CNBD1: variants seen among roughly 807,000 people sequenced by gnomAD.
CNBD1 encodes cyclic nucleotide-binding domain-containing protein 1.
CNBD1 carries 71 observed loss-of-function variants against 54.4 expected under a neutral mutation model. That is an observed-to-expected ratio of 1.30 (90% CI 1.08 to 1.59). The LOEUF (loss-of-function observed/expected upper bound fraction) is 1.59, where lower values mean the gene tolerates loss of function less well. Ranked by LOEUF, CNBD1 falls within the 40% of genes most tolerant of loss-of-function variation. The pLI, the probability that CNBD1 is intolerant of heterozygous loss-of-function variation, is 0.00. For synonymous variants in CNBD1, 182 were observed against 170.7 expected, an observed-to-expected ratio of 1.07 and a Z score of -0.51; for missense variants, 659 against 518.0, an observed-to-expected ratio of 1.27 and a Z score of -2.64.
chr8:87,364,978 A>C (rs1032337944), intron 10 of CNBD1, among the ~76,000 whole-genome samples: 1 of 152,012 alleles, frequency 6.6e-6, no homozygotes, highest in Admixed American at 6.6e-5. Context: ...TTTATAATAG[A>C]ACTATTCATA....
chr8:87,129,025 G>A (rs1316530842), intron 4 of CNBD1, among the ~76,000 whole-genome samples: 21 of 117,002 alleles, frequency 1.8e-4, no homozygotes, highest in Non-Finnish European at 2.9e-4. Flanking sequence ...AGCCGAGATC[G>A]CCCCACTGTA....
At chr8:87,240,016 C>T (rs936511890) in intron 6 of CNBD1, among the ~76,000 whole-genome samples, 4 of 151,018 alleles carry the variant, frequency 2.6e-5, no homozygotes, top group African/African-American at 9.7e-5. Flanking sequence ...ATAATAAATT[C>T]AAATTTCTTA....
At chr8:87,179,928 A>T (rs1255347244) in intron 4 of CNBD1, among the ~76,000 whole-genome samples, 1 of 152,222 alleles carries the variant, frequency 6.6e-6, no homozygotes, top group African/African-American at 2.4e-5. Context: ...ATGAATCACA[A>T]GACATTTCCC....
intron 6 of CNBD1, among the ~76,000 whole-genome samples, chr8:87,268,623 A>G (rs1808307803): frequency 6.6e-6 from 1 of 152,086 alleles, no homozygotes; most frequent in Admixed American, 6.6e-5. Flanking sequence ...AATAATAGCC[A>G]TTTTGACTGG....
chr8:87,156,413 T>C (rs1043423210), intron 4 of CNBD1, among the ~76,000 whole-genome samples: 5 of 150,638 alleles, frequency 3.3e-5, no homozygotes, highest in Non-Finnish European at 7.4e-5. Context: ...CCCGGCTACA[T>C]TTTTTTATTT....
intron 10 of CNBD1, among the ~76,000 whole-genome samples, chr8:87,374,887 C>A (rs112862022): frequency 6.6e-6 from 1 of 151,802 alleles, no homozygotes; most frequent in African/African-American, 2.4e-5. Context: ...AATTAAGCAA[C>A]CAAGATTTTA....
chr8:87,077,186 T>C (rs556308570), intron 4 of CNBD1, among the ~76,000 whole-genome samples: 1 of 152,162 alleles, frequency 6.6e-6, no homozygotes, highest in Non-Finnish European at 1.5e-5. Flanking sequence ...GAACTCGCCT[T>C]AATCAGTTTG....
chr8:87,286,907 A>G lies in CNBD1; in HGVS notation c.1042+236A>G, dbSNP rs111569756. 8.4e-4 allele frequency among the ~76,000 whole-genome samples: 127 copies of G among 151,886 alleles called. 1 individual carries two copies. Among genetic ancestry groups the G allele is most frequent in the African/African-American group, 3.0e-3 (125 of 41,416 alleles). ...AACCTTACTTTTAACATCTCTCTCTACTCCCTTTAACTGTTCCGCACTTGC... is the reference window on the plus strand; with the variant it reads ...AACCTTACTTTTAACATCTCTCTCTGCTCCCTTTAACTGTTCCGCACTTGC... On this transcript the variant is annotated intron_variant, in intron 8 of 10. Transcript: ENST00000518476.
In CNBD1 at chr8:87,411,831, C is replaced by G. The variant is rs560109324; in HGVS notation, c.214-16715C>G. On this transcript the variant is annotated intron_variant, in intron 2 of 7. Transcript: ENST00000521593. ...TGCCATCTTAGTGACATTCTGATAT[C>G]ATTTTTCAATAATAATATAATAAGT... 5.3e-5 allele frequency among the ~76,000 whole-genome samples: 8 copies of G among 151,802 alleles called. No homozygotes were observed. In the South Asian group the frequency reaches 1.7e-3, roughly 31 times the overall value.
At chr8:87,283,738 C>T (rs959538841) in intron 6 of CNBD1, among the ~76,000 whole-genome samples, 4 of 152,044 alleles carry the variant, frequency 2.6e-5, no homozygotes, top group Admixed American at 2.6e-4. Flanking sequence ...AGTTCCTAGA[C>T]TTTAGGCAAG....
chr8:86,926,984 A>G lies in CNBD1; in HGVS notation c.273-12612A>G, dbSNP rs75455880. Reference sequence around the variant, plus strand: ...GGTCTGATTTCCTGGGGCAATGTCAATGTTGGGACTTAGGAAGACTAAGGT... The same window carrying G: ...GGTCTGATTTCCTGGGGCAATGTCAGTGTTGGGACTTAGGAAGACTAAGGT... On this transcript the variant is annotated intron_variant, in intron 3 of 10. Transcript: ENST00000518476. Among the ~76,000 whole-genome samples, 608 of 152,244 alleles carry G rather than the reference A, an allele frequency of 4.0e-3. 10 individuals are homozygous for G. The East Asian group carries it at 0.042, about 11-fold the overall frequency.
At chr8:87,081,623 A>G (rs951818834) in intron 4 of CNBD1, among the ~76,000 whole-genome samples, 3 of 150,754 alleles carry the variant, frequency 2.0e-5, no homozygotes, top group Admixed American at 2.0e-4. Context: ...CTCCTGCCGC[A>G]GCCTCCTGAG....
chr8:87,278,133 A>G (rs1808521802), intron 6 of CNBD1, among the ~76,000 whole-genome samples: 1 of 151,636 alleles, frequency 6.6e-6, no homozygotes, highest in African/African-American at 2.4e-5. Flanking sequence ...ACATGTCATA[A>G]GTAAATATGA....
chr8:87,123,326 G>T (rs1811926077), intron 4 of CNBD1, among the ~76,000 whole-genome samples: 1 of 151,632 alleles, frequency 6.6e-6, no homozygotes, highest in Non-Finnish European at 1.5e-5. Flanking sequence ...ATCAAGTGTG[G>T]CAATGGTATG....
intron 3 of CNBD1, 67 bp from the exon 4 acceptor site, chr8:86,939,529 T>C: frequency 2.6e-6 from 3 of 1,150,572 alleles, no homozygotes; most frequent in Non-Finnish European, 3.6e-6. Context: ...TGCAATATAG[T>C]AAAAGTCCCT....
intron 4 of CNBD1, among the ~76,000 whole-genome samples, chr8:86,968,982 T>C (rs576682351): frequency 3.0e-4 from 46 of 152,318 alleles, no homozygotes; most frequent in African/African-American, 1.1e-3. Context: ...CAAGGAATTT[T>C]CTTGTGGGCA....
rs750586400 is a variant in CNBD1, at chr8:87,182,680, AATGT to A, written c.432-23308_432-23305del. Among the ~76,000 whole-genome samples the A allele has an allele frequency of 1.5e-4, 22 of 151,180 alleles. No homozygotes were observed. Among genetic ancestry groups the A allele is most frequent in the Non-Finnish European group, 2.8e-4 (19 of 67,836 alleles). On this transcript the variant is annotated intron_variant, in intron 4 of 10. Coordinates refer to ENST00000518476, the MANE Select transcript of CNBD1 (RefSeq NM_173538.3). This position sits in a 1 kb window ranked among gnomAD's most constrained non-coding sequence, Gnocchi z 4.1. The stretch of plus-strand genomic sequence containing the variant: ...CATTTTTTCATATGTTTGCTGCCTG[AATGT>A]ATGTCTTCTTTTGAGAAGTGTCTGT...
At chr8:87,327,618 C>G (rs1382435369) in intron 8 of CNBD1, among the ~76,000 whole-genome samples, 1 of 152,188 alleles carries the variant, frequency 6.6e-6, no homozygotes, top group Non-Finnish European at 1.5e-5. Context: ...CTCCCTGACC[C>G]CTTGCGCTTC....
intron 6 of CNBD1, among the ~76,000 whole-genome samples, chr8:87,243,941 T>A (rs1377206655): frequency 2.6e-5 from 4 of 152,198 alleles, no homozygotes; most frequent in South Asian, 2.1e-4. Flanking sequence ...TTTTTTTAAT[T>A]AAAAAAAATT....
Sources: allele counts gnomAD v4.1 joint callset (sites outside exome capture counted in the v4.1 genomes callset), GRCh38; gene constraint gnomAD v4.1.1; non-coding constraint Gnocchi (gnomAD v3.1); transcripts MANE v1.5; gene names NCBI Gene and HGNC (gene_info 2026-07-23, HGNC 2026-07-21).